Variants in ARHGEF10L observed in about 807,000 individuals in gnomAD.
ARHGEF10L encodes rho guanine nucleotide exchange factor 10-like protein.
In ARHGEF10L, 69 loss-of-function variants were observed where a neutral mutation model predicts 141.2. That is an observed-to-expected ratio of 0.49 (90% CI 0.40 to 0.60). ARHGEF10L has a LOEUF of 0.60. ARHGEF10L is among the 20% of genes least tolerant of loss of function. The probability of loss-of-function intolerance (pLI) is 0.00; values close to 1 mark genes in which losing one functional copy is unlikely to be tolerated. For missense variants in ARHGEF10L, 1,482 were observed against 1,734.3 expected, an observed-to-expected ratio of 0.85 and a Z score of 2.58; for synonymous variants, 711 against 718.5, an observed-to-expected ratio of 0.99 and a Z score of 0.17.
At chr1:17,626,159 C>A in intron 14 of ARHGEF10L, 111 bp downstream of exon 14, 1 of 826,942 alleles carries the variant, frequency 1.2e-6, no homozygotes, top group Non-Finnish European at 1.9e-6. Flanking sequence ...GATCCATAAC[C>A]CACCCAACCT....
rs751219219 is a variant in ARHGEF10L at position 17,587,600 on chromosome 1, G to A, written c.178G>A (p.Asp60Asn). 7 of 1,613,982 alleles carry A rather than the reference G, an allele frequency of 4.3e-6. No individual in the cohort carries two copies. The highest frequency in any genetic ancestry group is 5.9e-6 in the Non-Finnish European group (7 of 1,180,014). The change falls in exon 3 of 29, where the codon GAC (aspartate) becomes AAC (asparagine). Residue 60 changes from aspartate (D) to asparagine (N), a missense_variant. Transcript: ENST00000361221. ...LGVPSLAPER[D>N]TDPPLIHLDS... Reference sequence around the variant, plus strand: ...CGTCCCCAGCCTTGCTCCTGAGAGGGACACAGACCCCCCACTGATCCACTT... The same window carrying A: ...CGTCCCCAGCCTTGCTCCTGAGAGGAACACAGACCCCCCACTGATCCACTT...
chr1:17,549,416 A>G (rs1202854372), intron 1 of ARHGEF10L, among the ~76,000 whole-genome samples: 1 of 152,114 alleles, frequency 6.6e-6, no homozygotes, highest in Non-Finnish European at 1.5e-5. Context: ...TGTGAAGGAA[A>G]CAGACTGGTG....
At chr1:17,616,817 G>A (rs542288727) in intron 9 of ARHGEF10L, among the ~76,000 whole-genome samples, 53 of 152,326 alleles carry the variant, frequency 3.5e-4, no homozygotes, top group African/African-American at 1.2e-3. Context: ...CAGGCAGAGC[G>A]GAGTGGGTGC....
At chr1:17,688,268 G>T (rs1414522302) in intron 27 of ARHGEF10L, among the ~76,000 whole-genome samples, 1 of 152,238 alleles carries the variant, frequency 6.6e-6, no homozygotes, top group Non-Finnish European at 1.5e-5. Context: ...CTCCTGCGTA[G>T]CTGTGTGTAG....
chr1:17,618,270 C>A, intron 9 of ARHGEF10L: 3 of 1,379,026 alleles, frequency 2.2e-6, no homozygotes, highest in Non-Finnish European at 1.9e-6. Flanking sequence ...CCACCCCGCC[C>A]ACAAGCCCAG....
At position 17,580,651 on chromosome 1, in the gene ARHGEF10L, C is replaced by T. The variant is rs748929857; in HGVS notation, c.37+19C>T. ...GCCATAGGTACCGTACCCAGGGCTT[C>T]CTGTCCCTCTCATCCTTTCTTAGAA... On this transcript the variant is annotated intron_variant, in intron 2 of 28. Coordinates refer to ENST00000361221, the MANE Select transcript of ARHGEF10L (RefSeq NM_018125.4). The T allele has an allele frequency of 3.1e-6, 5 of 1,614,064 alleles. No individual in the cohort carries two copies. The highest frequency in any genetic ancestry group is 4.2e-6 in the Non-Finnish European group (5 of 1,180,046).
intron 26 of ARHGEF10L, among the ~76,000 whole-genome samples, chr1:17,677,177 A>G (rs2063777855): frequency 6.6e-6 from 1 of 152,024 alleles, no homozygotes; most frequent in African/African-American, 2.4e-5. Context: ...AGCCGATAGG[A>G]GTTTTGACTC....
chr1:17,598,717 A>G (rs1281899647), intron 4 of ARHGEF10L, among the ~76,000 whole-genome samples: 1 of 151,466 alleles, frequency 6.6e-6, no homozygotes, highest in East Asian at 1.9e-4. Context: ...ACCATAGCAG[A>G]TGGAGACTTG....
Position 17,697,644 on chromosome 1 carries a change from T to G in ARHGEF10L, c.*264T>G. ...AGCAAAAAACACAAAACCTCACAAC[T>G]GCCTGGCAAGCCCAGTATCACTTGT... On this transcript the variant is annotated 3_prime_UTR_variant, in exon 29 of 29. Transcript: ENST00000361221. This position sits in a 1 kb window ranked among gnomAD's most constrained non-coding sequence, Gnocchi z 4.8. 1 of 612,606 alleles carries G rather than the reference T, an allele frequency of 1.6e-6. No individual in the cohort carries two copies. The highest frequency in any genetic ancestry group is 3.5e-5 in the East Asian group (1 of 28,892). The allele number at this position is 612,606 out of a possible 1,614,324, so 37.9% of individuals were successfully genotyped here.
chr1:17,520,862 G>C, the ARHGEF10L span, among the ~76,000 whole-genome samples: 37 of 152,330 alleles, frequency 2.4e-4, no homozygotes, highest in Admixed American at 1.4e-3. Context: ...CTGAGGCTTG[G>C]AGGAGAGGGA....
Position 17,697,091 on chromosome 1 carries a change from CG to C in ARHGEF10L, c.3554del (p.Gly1185AlafsTer93). ...QYRLRSTAHL[P>X]GPLLSMREPA... ...CGCCTGCGCTCCACCGCACACCTCC[CG>C]GGCCCGCTGCTCTCCATGCGGGAGC... is the stretch of plus-strand genomic sequence containing the variant. On this transcript the variant is annotated frameshift_variant, in exon 29 of 29. Coordinates refer to ENST00000361221, the MANE Select transcript of ARHGEF10L (RefSeq NM_018125.4). LOFTEE classifies it high-confidence loss of function. The surrounding 1 kb of genome is among the most constrained non-coding windows in gnomAD (Gnocchi z 4.8). 6.2e-7 allele frequency: 1 copy of C among 1,607,676 alleles called. No individual in the cohort carries two copies. The highest frequency in any genetic ancestry group is 8.5e-7 in the Non-Finnish European group (1 of 1,176,678).
chr1:17,546,225 G>A (rs1425202811), intron 1 of ARHGEF10L, among the ~76,000 whole-genome samples: 1 of 152,118 alleles, frequency 6.6e-6, no homozygotes, highest in Non-Finnish European at 1.5e-5. Flanking sequence ...TGCATCTGTG[G>A]CTGGTGGATT....
At chr1:17,685,259 C>A (rs1365086830) in intron 26 of ARHGEF10L, among the ~76,000 whole-genome samples, 1 of 152,218 alleles carries the variant, frequency 6.6e-6, no homozygotes, top group Non-Finnish European at 1.5e-5. Context: ...CCAGCTCAAC[C>A]CCCTCCAGTG....
Position 17,554,299 on chromosome 1 carries a change from G to T in ARHGEF10L, c.-44+14349G>T, listed in dbSNP as rs189857788. Among the ~76,000 whole-genome samples the T allele has an allele frequency of 5.3e-5, 8 of 152,264 alleles. 1 individual carries two copies. The highest frequency in any genetic ancestry group is 5.2e-4 in the Admixed American group (8 of 15,292). ...ATTGGCCAGAGCTCAGCCTTGCCAAGGAGCCCAGCCCAGGGGGCAGGCCTC... is the reference window on the plus strand; with the variant it reads ...ATTGGCCAGAGCTCAGCCTTGCCAATGAGCCCAGCCCAGGGGGCAGGCCTC... On this transcript the variant is annotated intron_variant, in intron 1 of 28. Transcript: ENST00000361221.
the ARHGEF10L span, among the ~76,000 whole-genome samples, chr1:17,530,929 C>T: frequency 7.9e-5 from 12 of 151,736 alleles, no homozygotes; most frequent in East Asian, 3.9e-4. Context: ...TGCTTGAACA[C>T]GGGAGGCAGA....
intron 25 of ARHGEF10L, among the ~76,000 whole-genome samples, chr1:17,661,589 G>C (rs547289763): frequency 6.6e-6 from 1 of 152,174 alleles, no homozygotes; most frequent in Non-Finnish European, 1.5e-5. Flanking sequence ...CAAGGGCTCC[G>C]GTGGCTATCA....
In ARHGEF10L at chr1:17,684,605, G is replaced by A. The variant is rs554781930; in HGVS notation, c.3010-2968G>A. ...CCCAATCTGAGACAGGAGACAGTTC[G>A]CTTCCTCTGAGCATGCCCAGCTTGA... On this transcript the variant is annotated intron_variant, in intron 26 of 28. Transcript: ENST00000361221. Among the ~76,000 whole-genome samples, 72 of 152,288 alleles carry A rather than the reference G, an allele frequency of 4.7e-4. 1 individual carries two copies. In the South Asian group the frequency reaches 7.3e-3, roughly 15 times the overall value.
At chr1:17,598,799 C>G (rs1378085629) in intron 4 of ARHGEF10L, among the ~76,000 whole-genome samples, 1 of 151,034 alleles carries the variant, frequency 6.6e-6, no homozygotes, top group Non-Finnish European at 1.5e-5. Context: ...AAAATGGTAG[C>G]TAAACAGGCA....
chr1:17,645,171 C>T (rs896431124), intron 21 of ARHGEF10L, among the ~76,000 whole-genome samples: 4 of 152,134 alleles, frequency 2.6e-5, no homozygotes, highest in African/African-American at 4.8e-5. Flanking sequence ...AATTGCGGTT[C>T]TGCAGTCGGT....
Sources: allele counts gnomAD v4.1 joint callset (sites outside exome capture counted in the v4.1 genomes callset), GRCh38; gene constraint gnomAD v4.1.1; non-coding constraint Gnocchi (gnomAD v3.1); transcripts MANE v1.5; gene names NCBI Gene and HGNC (gene_info 2026-07-23, HGNC 2026-07-21).